NCR1: variants seen among roughly 807,000 people sequenced by gnomAD.
NCR1 encodes the protein NK cell-activating receptor.
In NCR1, 30 loss-of-function variants were observed where a neutral mutation model predicts 32.5. The observed-to-expected ratio is 0.92, with a 90% CI of 0.69 to 1.25. The LOEUF is 1.25. Among genes scored for constraint, NCR1 ranks in the 50% most tolerant of loss-of-function variants. The probability of loss-of-function intolerance (pLI) is 0.00; values close to 1 mark genes in which losing one functional copy is unlikely to be tolerated. For missense variants in NCR1, 369 were observed against 380.7 expected, an observed-to-expected ratio of 0.97 and a Z score of 0.26; for synonymous variants, 169 against 143.4, an observed-to-expected ratio of 1.18 and a Z score of -1.28.
downstream of NCR1, among the ~76,000 whole-genome samples, chr19:54,916,879 C>G (rs1022616243): frequency 1.3e-5 from 2 of 151,422 alleles, no homozygotes; most frequent in Admixed American, 6.6e-5. Context: ...GACCCACGCT[C>G]CCTAAGACAT....
chr19:54,928,696 G>A, the NCR1 span, among the ~76,000 whole-genome samples: 1 of 152,046 alleles, frequency 6.6e-6, no homozygotes, highest in Non-Finnish European at 1.5e-5. Flanking sequence ...ACTGGGGGAG[G>A]GAATCTTGTA....
rs367859589 is a variant in NCR1 at position 54,906,477 on chromosome 19, G to C, written c.71-46G>C. On this transcript the variant is annotated intron_variant, in intron 2 of 6. Coordinates refer to ENST00000291890, the MANE Select transcript of NCR1 (RefSeq NM_004829.7). Reference sequence around the variant, plus strand: ...AGCAGCTGGGTGGAGCCTAAGGTTGGGGGGAGGGGGCTCCGCTGGAACTCC... The same window carrying C: ...AGCAGCTGGGTGGAGCCTAAGGTTGCGGGGAGGGGGCTCCGCTGGAACTCC... The C allele has an allele frequency of 1.9e-5, 31 of 1,599,508 alleles. No individual in the cohort carries two copies. The African/African-American group carries it at 2.9e-4, about 15-fold the overall frequency.
At chr19:54,927,714 T>G in the NCR1 span, 1 of 1,614,088 alleles carries the variant, frequency 6.2e-7, no homozygotes, top group Non-Finnish European at 8.5e-7. Context: ...AGCTTCTGAT[T>G]GCTGAGGAGA....
At chr19:54,923,715 A>G in the NCR1 span, 2 of 1,612,018 alleles carry the variant, frequency 1.2e-6, no homozygotes, top group Non-Finnish European at 1.7e-6. Flanking sequence ...CTTCCTGTGT[A>G]ATTCGTAGAG....
chr19:54,937,217 A>C, the NCR1 span, among the ~76,000 whole-genome samples: 1 of 145,540 alleles, frequency 6.9e-6, no homozygotes, highest in Non-Finnish European at 1.5e-5. Flanking sequence ...GACTGTCTCA[A>C]AAAAAAAAAA....
the NCR1 span, among the ~76,000 whole-genome samples, chr19:54,935,729 A>G: frequency 1.3e-5 from 2 of 151,756 alleles, no homozygotes; most frequent in African/African-American, 4.8e-5. Context: ...CATTGAGTGC[A>G]GAGAAGGTTG....
At chr19:54,899,036 G>C in the NCR1 span, among the ~76,000 whole-genome samples, 3 of 152,102 alleles carry the variant, frequency 2.0e-5, no homozygotes, top group Non-Finnish European at 2.9e-5. Context: ...GCGATGCTTG[G>C]GGTTGGGACT....
At chr19:54,933,759 A>G in the NCR1 span, 1 of 1,608,384 alleles carries the variant, frequency 6.2e-7, no homozygotes, top group African/African-American at 1.3e-5. Context: ...TATGAAACAA[A>G]TGGTAGAAGG....
the NCR1 span, chr19:54,934,656 C>T: frequency 6.2e-7 from 1 of 1,612,616 alleles, no homozygotes; most frequent in African/African-American, 1.3e-5. This position sits in a 1 kb window ranked among gnomAD's most constrained non-coding sequence, Gnocchi z 6.7. Context: ...AGTGACCTCC[C>T]AACCTGTGAA....
chr19:54,923,140 CCACG>C, the NCR1 span, among the ~76,000 whole-genome samples: 8 of 152,282 alleles, frequency 5.3e-5, no homozygotes, highest in Non-Finnish European at 1.5e-5. Flanking sequence ...TGCCCATGGC[CCACG>C]AGCTGTTTCT....
At chr19:54,906,846 C>A in intron 3 of NCR1, 39 bp downstream of exon 3, 1 of 1,605,310 alleles carries the variant, frequency 6.2e-7, no homozygotes, top group Non-Finnish European at 8.5e-7. Flanking sequence ...TGATCTCAGT[C>A]TGCATCCGGG....
upstream of NCR1, among the ~76,000 whole-genome samples, chr19:54,904,617 T>G (rs1421096725): frequency 6.6e-6 from 1 of 151,284 alleles, no homozygotes; most frequent in African/African-American, 2.4e-5. Context: ...ACTGCAACCT[T>G]CACCTTCCAG....
At chr19:54,907,592 A>G (rs2067702217) in intron 3 of NCR1, among the ~76,000 whole-genome samples, 1 of 151,520 alleles carries the variant, frequency 6.6e-6, no homozygotes, top group Admixed American at 6.6e-5. Flanking sequence ...GTTTGTTTAT[A>G]CCAGCAACAC....
At chr19:54,937,204 C>T in the NCR1 span, among the ~76,000 whole-genome samples, 2 of 143,610 alleles carry the variant, frequency 1.4e-5, no homozygotes, top group Non-Finnish European at 3.0e-5. Flanking sequence ...GGGAACATAG[C>T]GAGACTGTCT....
downstream of NCR1, among the ~76,000 whole-genome samples, chr19:54,920,703 C>G (rs1012213583): frequency 6.6e-6 from 1 of 152,178 alleles, no homozygotes; most frequent in African/African-American, 2.4e-5. Flanking sequence ...TGGCATGCAC[C>G]TGTAATCCCA....
At chr19:54,912,648 C>T (rs1289497163) in intron 6 of NCR1, 42 bp from the exon 7 acceptor site, 3 of 709,738 alleles carry the variant, frequency 4.2e-6, no homozygotes, top group African/African-American at 1.8e-5. Context: ...AGAGGGTGTC[C>T]TTACATCCCT....
At chr19:54,918,626 T>C (rs1008245395), downstream of NCR1, among the ~76,000 whole-genome samples, 1 of 151,956 alleles carries the variant, frequency 6.6e-6, no homozygotes, top group African/African-American at 2.4e-5. Flanking sequence ...CTTCTGAGAC[T>C]CTGAAGCCCA....
At chr19:54,903,310 A>G (rs977801958), upstream of NCR1, among the ~76,000 whole-genome samples, 3 of 135,470 alleles carry the variant, frequency 2.2e-5, no homozygotes, top group Non-Finnish European at 3.2e-5. Flanking sequence ...ACGTATATGT[A>G]TACATACATG....
chr19:54,911,512 A>C (rs2067978093), intron 5 of NCR1, among the ~76,000 whole-genome samples: 1 of 152,078 alleles, frequency 6.6e-6, no homozygotes, highest in Admixed American at 6.6e-5. Flanking sequence ...AGCACTTTGG[A>C]AGGCAGGGGC....
Sources: gnomAD v4.1 joint callset for allele counts (sites outside exome capture counted in the v4.1 genomes callset) on GRCh38, gnomAD v4.1.1 for gene constraint, Gnocchi (gnomAD v3.1) non-coding constraint, MANE v1.5 for transcripts, NCBI Gene and HGNC (gene_info 2026-07-23, HGNC 2026-07-21) for gene names.